Variants in CRISP2 observed in about 807,000 individuals in gnomAD.
The protein encoded by CRISP2 is cysteine-rich secretory protein 2.
CRISP2 carries 29 observed loss-of-function variants against 31.7 expected under a neutral mutation model. That is an observed-to-expected ratio of 0.92 (90% CI 0.68 to 1.25). CRISP2 has a LOEUF of 1.25. Among genes scored for constraint, CRISP2 ranks in the 50% most tolerant of loss-of-function variants. CRISP2 has a pLI of 0.00. For missense variants in CRISP2, 318 were observed against 286.5 expected, an observed-to-expected ratio of 1.11 and a Z score of -0.79; for synonymous variants, 111 against 101.4, an observed-to-expected ratio of 1.09 and a Z score of -0.57.
chr6:49,704,814 T>C (rs901556497), intron 4 of CRISP2, among the ~76,000 whole-genome samples: 2 of 152,174 alleles, frequency 1.3e-5, no homozygotes, highest in Non-Finnish European at 2.9e-5. Context: ...ACTGGTTTTC[T>C]TGAATGTTGG....
At chr6:49,682,571 CTTTT>C in the CRISP2 span, among the ~76,000 whole-genome samples, 165 of 103,544 alleles carry the variant, frequency 1.6e-3, no homozygotes, top group South Asian at 0.017. Flanking sequence ...CTCTTTCTTT[CTTTT>C]TCTTTCTTTC....
the CRISP2 span, among the ~76,000 whole-genome samples, chr6:49,683,696 T>A: frequency 5.1e-4 from 28 of 55,322 alleles, no homozygotes; most frequent in Admixed American, 7.5e-4. Context: ...AAAAAAAAAA[T>A]ATATATATAT....
chr6:49,679,138 A>G, the CRISP2 span, among the ~76,000 whole-genome samples: 1 of 152,168 alleles, frequency 6.6e-6, no homozygotes, highest in Non-Finnish European at 1.5e-5. Flanking sequence ...GCATGAACAC[A>G]TTGGTAGTCT....
chr6:49,700,656 A>T lies in CRISP2; in HGVS notation c.183+12T>A. 1.3e-6 allele frequency: 2 copies of T among 1,526,060 alleles called. No homozygotes were observed. Among genetic ancestry groups the T allele is most frequent in the Non-Finnish European group, 1.8e-6 (2 of 1,100,612 alleles). 94.5% of individuals were successfully genotyped at this position (1,526,060 alleles called of 1,614,324 possible). On this transcript the variant is annotated intron_variant, in intron 5 of 9. Coordinates refer to ENST00000339139, the MANE Select transcript of CRISP2 (RefSeq NM_003296.4). ...TGATTCACACCCATCTCCTTACAGC[A>T]CTGCCTCTTACCATCTTTAGCATGT...
chr6:49,709,027 ACT>A, intron 4 of CRISP2, 102 bp downstream of exon 4: 1 of 929,210 alleles, frequency 1.1e-6, no homozygotes, highest in Admixed American at 1.9e-5. Context: ...ACCAGTGGAA[ACT>A]CTGACATACC....
At chr6:49,710,362 C>T (rs1767802922) in intron 3 of CRISP2, among the ~76,000 whole-genome samples, 1 of 152,230 alleles carries the variant, frequency 6.6e-6, no homozygotes, top group East Asian at 1.9e-4. Context: ...TTAACCTATG[C>T]CAATGCTACG....
In CRISP2 at chr6:49,698,367, T is replaced by A; in HGVS notation, c.412A>T (p.Thr138Ser). 6.2e-7 allele frequency: 1 copy of A among 1,612,926 alleles called. No individual in the cohort carries two copies. Among genetic ancestry groups the A allele is most frequent in the Non-Finnish European group, 8.5e-7 (1 of 1,179,478 alleles). Reference protein sequence around the residue: ...KSPNAVVGHYTQLVWYSTYQV... With the variant: ...KSPNAVVGHYSQLVWYSTYQV... ...TTTTCATGCATTCTTCTTACCTGAG[T>A]ATAATGTCCAACAACTGCATTGGGA... The change falls in exon 7 of 10, where the codon ACT becomes TCT. Residue 138 changes from threonine (T) to serine (S), a missense_variant. Transcript: ENST00000339139.
At chr6:49,677,778 C>T in the CRISP2 span, among the ~76,000 whole-genome samples, 1 of 152,060 alleles carries the variant, frequency 6.6e-6, no homozygotes, top group South Asian at 2.1e-4. Flanking sequence ...TAAACATACA[C>T]TTAAGGAAGT....
intron 4 of CRISP2, among the ~76,000 whole-genome samples, chr6:49,703,224 T>G (rs1415226612): frequency 6.6e-6 from 1 of 152,190 alleles, no homozygotes; most frequent in Non-Finnish European, 1.5e-5. Flanking sequence ...ACTATAGCCA[T>G]GTAGTATAGT....
chr6:49,699,519 C>G (rs1453375235), intron 6 of CRISP2, among the ~76,000 whole-genome samples: 3 of 151,976 alleles, frequency 2.0e-5, no homozygotes, highest in Non-Finnish European at 2.9e-5. Flanking sequence ...CTTTCAAATT[C>G]TGGCTTTCTA....
chr6:49,711,773 G>C (rs1475892446), intron 2 of CRISP2, among the ~76,000 whole-genome samples: 1 of 152,102 alleles, frequency 6.6e-6, no homozygotes, highest in Admixed American at 6.5e-5. Context: ...GAAACCATCA[G>C]GTCTGGGAAA....
At chr6:49,680,545 ATTTATGACT>A in the CRISP2 span, among the ~76,000 whole-genome samples, 1 of 152,194 alleles carries the variant, frequency 6.6e-6, no homozygotes, top group Non-Finnish European at 1.5e-5. Flanking sequence ...GTTGAATGGT[ATTTATGACT>A]TTAGGTCTTT....
At position 49,700,801 on chromosome 6, in the gene CRISP2, T is replaced by C. The variant is rs781211617; in HGVS notation, c.67-17A>G. On this transcript the variant is annotated splice_polypyrimidine_tract_variant and intron_variant, in intron 4 of 9. Transcript: ENST00000339139. ...AGCGGGATCCTAAAAGAAAATAAAA[T>C]TGGAATTATTATTTAACAATATTGT... The C allele has an allele frequency of 2.7e-5, 38 of 1,420,628 alleles. No individual in the cohort carries two copies. The highest frequency in any genetic ancestry group is 3.7e-5 in the Non-Finnish European group (37 of 1,007,504). The allele number at this position is 1,420,628 out of a possible 1,614,324, so 88.0% of individuals were successfully genotyped here.
chr6:49,686,115 AG>A, the CRISP2 span, among the ~76,000 whole-genome samples: 1 of 152,222 alleles, frequency 6.6e-6, no homozygotes, highest in Non-Finnish European at 1.5e-5. Context: ...TACAAAAAGT[AG>A]AATACTATAA....
At chr6:49,708,404 A>G (rs1460973288) in intron 4 of CRISP2, among the ~76,000 whole-genome samples, 3 of 152,198 alleles carry the variant, frequency 2.0e-5, no homozygotes, top group South Asian at 2.1e-4. Context: ...CGCAGATGTA[A>G]TTAAGTTCAG....
intron 8 of CRISP2, chr6:49,697,608 G>T: frequency 3.4e-6 from 3 of 880,768 alleles, no homozygotes; most frequent in Non-Finnish European, 1.7e-6. Context: ...ACCCTAAGCT[G>T]AGGGAAGGCC....
chr6:49,698,525 C>T lies in CRISP2; in HGVS notation c.272-18G>A. ...TCTTGTACCTAAGGGGCAGATCATT[C>T]ATGAGCAAGGTAATAAACATGCAAT... On this transcript the variant is annotated intron_variant, in intron 6 of 9. Transcript: ENST00000339139. 14 of 1,589,810 alleles carry T rather than the reference C, an allele frequency of 8.8e-6. No homozygotes were observed. The highest frequency in any genetic ancestry group is 1.2e-5 in the Non-Finnish European group (14 of 1,172,844).
chr6:49,703,104 C>T (rs1304688399), intron 4 of CRISP2, among the ~76,000 whole-genome samples: 2 of 152,028 alleles, frequency 1.3e-5, no homozygotes, highest in Non-Finnish European at 2.9e-5. Flanking sequence ...TTTTTGTTTG[C>T]TTTGTTGAAG....
downstream of CRISP2, among the ~76,000 whole-genome samples, chr6:49,689,826 C>T (rs1763993520): frequency 6.6e-6 from 1 of 152,028 alleles, no homozygotes; most frequent in Admixed American, 6.6e-5. Flanking sequence ...CTATTCTTAA[C>T]AAAAAGGTGA....
Sources: gnomAD v4.1 joint callset for allele counts (sites outside exome capture counted in the v4.1 genomes callset) on GRCh38, gnomAD v4.1.1 for gene constraint, MANE v1.5 for transcripts, NCBI Gene and HGNC (gene_info 2026-07-23, HGNC 2026-07-21) for gene names.